The following ATXN7L1 variants were observed in gnomAD, a reference collection of about 807,000 sequenced individuals.
ATXN7L1 encodes the protein ataxin 7 like 1.
Under a neutral mutation model 70.8 loss-of-function variants are expected in ATXN7L1, and 15 were observed. The ratio of observed to expected loss-of-function variants is 0.21; its 90% CI spans 0.14 to 0.33. The LOEUF (loss-of-function observed/expected upper bound fraction) is 0.33, where lower values mean the gene tolerates loss of function less well. Among genes scored for constraint, ATXN7L1 ranks in the 10% least tolerant of loss-of-function variants. The pLI, the probability that ATXN7L1 is intolerant of heterozygous loss-of-function variation, is 1.00. For synonymous variants in ATXN7L1, 440 were observed against 445.1 expected, an observed-to-expected ratio of 0.99 and a Z score of 0.14; for missense variants, 975 against 1,097.1, an observed-to-expected ratio of 0.89 and a Z score of 1.57.
chr7:105,635,177 G>A (rs1239282339), intron 7 of ATXN7L1, among the ~76,000 whole-genome samples: 2 of 152,180 alleles, frequency 1.3e-5, no homozygotes, highest in African/African-American at 4.8e-5. Context: ...GCTTCCTGCG[G>A]GCTCTCAGCC....
At chr7:105,745,447 C>T (rs1798476962) in intron 3 of ATXN7L1, among the ~76,000 whole-genome samples, 1 of 152,136 alleles carries the variant, frequency 6.6e-6, no homozygotes. Flanking sequence ...CGTTTGTACG[C>T]CTCGTACCAC....
At chr7:105,697,309 C>T (rs935198087) in intron 3 of ATXN7L1, among the ~76,000 whole-genome samples, 11 of 152,182 alleles carry the variant, frequency 7.2e-5, no homozygotes, top group Non-Finnish European at 1.2e-4. Flanking sequence ...GACAGGTACG[C>T]CCCAGAGGGG....
intron 2 of ATXN7L1, among the ~76,000 whole-genome samples, chr7:105,846,374 T>C (rs1167609129): frequency 2.0e-5 from 3 of 152,052 alleles, no homozygotes; most frequent in Non-Finnish European, 2.9e-5. Flanking sequence ...ATGGTCAACA[T>C]CATGTAGTCA....
At chr7:105,795,977 A>G (rs2116503052) in intron 2 of ATXN7L1, among the ~76,000 whole-genome samples, 1 of 152,326 alleles carries the variant, frequency 6.6e-6, no homozygotes, top group Admixed American at 6.5e-5. Context: ...AACTTACTCT[A>G]AAAGGTACTG....
chr7:105,714,235 G>A (rs147628559), intron 3 of ATXN7L1, among the ~76,000 whole-genome samples: 87 of 152,276 alleles, frequency 5.7e-4, no homozygotes, highest in African/African-American at 1.9e-3. Flanking sequence ...CTTCATTCTC[G>A]ATTGCCACCC....
chr7:105,649,385 G>A (rs1799532036), intron 4 of ATXN7L1: 1 of 987,514 alleles, frequency 1.0e-6, no homozygotes, highest in Non-Finnish European at 1.2e-6. Flanking sequence ...CATCCCCCTT[G>A]CTACGTGGGG....
chr7:105,846,791 G>A (rs751389117), intron 2 of ATXN7L1, among the ~76,000 whole-genome samples: 2 of 152,200 alleles, frequency 1.3e-5, no homozygotes, highest in Non-Finnish European at 2.9e-5. Flanking sequence ...AAGGAATGAG[G>A]TATTGATACC....
At chr7:105,622,172 A>C (rs1795029000) in intron 8 of ATXN7L1, among the ~76,000 whole-genome samples, 1 of 152,262 alleles carries the variant, frequency 6.6e-6, no homozygotes, top group African/African-American at 2.4e-5. Flanking sequence ...AGGACAAAGC[A>C]AAGACACAAA....
chr7:105,736,257 A>G (rs672340), intron 3 of ATXN7L1, among the ~76,000 whole-genome samples: 31,686 of 152,196 alleles, frequency 0.21, 3,518 homozygotes, highest in East Asian at 0.33. Context: ...CTGAAAACAT[A>G]GATTGACTGT....
At chr7:105,632,411 T>A (rs1350757046) in intron 7 of ATXN7L1, among the ~76,000 whole-genome samples, 6 of 151,708 alleles carry the variant, frequency 4.0e-5, no homozygotes, top group Non-Finnish European at 7.4e-5. Flanking sequence ...AAGAAAATAT[T>A]TCAGAAAGTA....
intron 9 of ATXN7L1, among the ~76,000 whole-genome samples, chr7:105,616,231 G>A (rs1307272884): frequency 6.6e-6 from 1 of 152,140 alleles, no homozygotes; most frequent in African/African-American, 2.4e-5. Flanking sequence ...TGCAAGACAG[G>A]GCCTCACACC....
intron 3 of ATXN7L1, among the ~76,000 whole-genome samples, chr7:105,782,732 A>C (rs575551798): frequency 6.6e-6 from 1 of 152,368 alleles, no homozygotes; most frequent in African/African-American, 2.4e-5. Flanking sequence ...ATAGGGGCCT[A>C]ATGTGAATGT....
intron 10 of ATXN7L1, among the ~76,000 whole-genome samples, chr7:105,612,165 C>T (rs1007286170): frequency 6.6e-6 from 1 of 152,250 alleles, no homozygotes; most frequent in African/African-American, 2.4e-5. Context: ...AGAGGCCAGA[C>T]TCCAGAGCCA....
intron 2 of ATXN7L1, among the ~76,000 whole-genome samples, chr7:105,813,963 A>G (rs1808819969): frequency 6.6e-6 from 1 of 152,012 alleles, no homozygotes; most frequent in Admixed American, 6.6e-5. Context: ...CAAGTCTCAA[A>G]TCTTTCTTTT....
intron 3 of ATXN7L1, among the ~76,000 whole-genome samples, chr7:105,729,301 G>GAATGAATGAATAAATA (rs549545980): frequency 2.7e-5 from 4 of 147,658 alleles, no homozygotes; most frequent in Admixed American, 2.1e-4. Flanking sequence ...ATGAATGAAT[G>GAATGAATGAATAAATA]AATAAATAAA....
intron 7 of ATXN7L1, among the ~76,000 whole-genome samples, chr7:105,629,799 T>TG (rs1360213816): frequency 6.6e-6 from 1 of 151,348 alleles, no homozygotes; most frequent in Non-Finnish European, 1.5e-5. Flanking sequence ...ATTACAGGTG[T>TG]AGGCCTCCGT....
chr7:105,811,391 A>C (rs1232926243), intron 2 of ATXN7L1, among the ~76,000 whole-genome samples: 1 of 152,172 alleles, frequency 6.6e-6, no homozygotes, highest in Non-Finnish European at 1.5e-5. Context: ...CAGCACCTTG[A>C]CTTTGGACTT....
chr7:105,644,611 A>G (rs563283703), intron 4 of ATXN7L1, among the ~76,000 whole-genome samples: 10 of 152,200 alleles, frequency 6.6e-5, no homozygotes, highest in Non-Finnish European at 1.3e-4. Flanking sequence ...CTCCCATATC[A>G]CTGAAGAATG....
chr7:105,844,885 G>A (rs1258888213), intron 2 of ATXN7L1, among the ~76,000 whole-genome samples: 1 of 152,114 alleles, frequency 6.6e-6, no homozygotes, highest in East Asian at 1.9e-4. Context: ...GTTTAACACG[G>A]TTGCGGAATA....
Sources: gnomAD v4.1 joint callset for allele counts (sites outside exome capture counted in the v4.1 genomes callset) on GRCh38, gnomAD v4.1.1 for gene constraint, MANE v1.5 for transcripts, NCBI Gene and HGNC (gene_info 2026-07-23, HGNC 2026-07-21) for gene names.